The following PSEN1 variants were observed in gnomAD, a reference collection of about 807,000 sequenced individuals.
The protein encoded by PSEN1 is presenilin 1.
PSEN1 carries 15 observed loss-of-function variants against 53.5 expected under a neutral mutation model. The ratio of observed to expected loss-of-function variants is 0.28; its 90% CI spans 0.19 to 0.43. The LOEUF is 0.43. PSEN1 is among the 20% of genes least tolerant of loss of function. The pLI is 1.00. For missense variants in PSEN1, 387 were observed against 571.2 expected (o/e 0.68, Z 3.29); for synonymous variants, 208 against 209.8 (o/e 0.99, Z 0.08).
chr14:73,211,107 A>T lies in PSEN1; in HGVS notation c.956-662A>T, dbSNP rs1229418897. On this transcript the variant is annotated intron_variant, in intron 9 of 11. Coordinates refer to ENST00000324501, the MANE Select transcript of PSEN1 (RefSeq NM_000021.4). ...TCAGTTGCAAAAGATAAAAAGCCCA[A>T]CTCAGTTGCCTTAAACAAAGAAGAA... is the stretch of plus-strand genomic sequence containing the variant. Among the ~76,000 whole-genome samples, 5 of 152,176 alleles carry T rather than the reference A, an allele frequency of 3.3e-5. No individual in the cohort carries two copies. The South Asian group carries it at 6.2e-4, about 19-fold the overall frequency.
chr14:73,200,169 T>G (rs148546614), intron 8 of PSEN1, among the ~76,000 whole-genome samples: 367 of 152,334 alleles, frequency 2.4e-3, no homozygotes, highest in African/African-American at 8.3e-3. Context: ...TGTCTAATGC[T>G]TTGGGTGATT....
chr14:73,210,995 T>C (rs1458951974), intron 9 of PSEN1, among the ~76,000 whole-genome samples: 1 of 152,192 alleles, frequency 6.6e-6, no homozygotes, highest in Admixed American at 6.5e-5. Flanking sequence ...CACTCCCCGC[T>C]CCTTTCCCAA....
intron 3 of PSEN1, among the ~76,000 whole-genome samples, chr14:73,166,910 A>G (rs912253647): frequency 3.3e-5 from 5 of 152,176 alleles, no homozygotes; most frequent in African/African-American, 1.2e-4. Flanking sequence ...CCATGCCTTT[A>G]TAACGCCAGC....
intron 9 of PSEN1, among the ~76,000 whole-genome samples, chr14:73,210,689 C>G (rs1899641393): frequency 6.6e-6 from 1 of 152,036 alleles, no homozygotes; most frequent in Non-Finnish European, 1.5e-5. Flanking sequence ...TTTTGGAGAT[C>G]TGGATAATAA....
intron 9 of PSEN1, among the ~76,000 whole-genome samples, chr14:73,211,257 A>G (rs750348634): frequency 2.0e-5 from 3 of 152,206 alleles, no homozygotes; most frequent in Non-Finnish European, 4.4e-5. Flanking sequence ...TCACTAGTTT[A>G]TAGGCTTGGT....
chr14:73,147,797 C>G lies in PSEN1; in HGVS notation c.-133C>G. The G allele has an allele frequency of 1.8e-6, 1 of 554,092 alleles. No homozygotes were observed. The highest frequency in any genetic ancestry group is 2.1e-5 in the South Asian group (1 of 48,678). 34.3% of individuals were successfully genotyped at this position (554,092 alleles called of 1,614,324 possible). On this transcript the variant is annotated splice_region_variant and 5_prime_UTR_variant, in exon 2 of 12. Transcript: ENST00000324501. ...GACCTGGTGAAATCCTATTTCAGAC[C>G]TAATCTGGGAGCCTGCAAGTGACAA... is the stretch of plus-strand genomic sequence containing the variant.
intron 6 of PSEN1, among the ~76,000 whole-genome samples, chr14:73,188,453 A>T (rs1219386739): frequency 6.6e-6 from 1 of 152,156 alleles, no homozygotes; most frequent in Non-Finnish European, 1.5e-5. Flanking sequence ...TGAAAGTTGG[A>T]TACCAACCTG....
intron 5 of PSEN1, among the ~76,000 whole-genome samples, chr14:73,177,288 CTCT>C (rs200165137): frequency 0.024 from 3,678 of 152,324 alleles, 152 homozygotes; most frequent in African/African-American, 0.081. Flanking sequence ...CTTTGCATAT[CTCT>C]TCTACTCAGA....
chr14:73,196,665 G>A (rs1248861016), intron 7 of PSEN1, among the ~76,000 whole-genome samples: 1 of 150,796 alleles, frequency 6.6e-6, no homozygotes, highest in African/African-American at 2.4e-5. Flanking sequence ...GGTAGAGACG[G>A]GGTTTTGCCA....
intron 8 of PSEN1, among the ~76,000 whole-genome samples, chr14:73,204,251 G>A (rs12432960): frequency 0.077 from 11,550 of 149,840 alleles, 562 homozygotes; most frequent in South Asian, 0.19. Context: ...ACCCACCTCC[G>A]ACTCCCAAAG....
chr14:73,180,553 G>C (rs1201810992), intron 5 of PSEN1, among the ~76,000 whole-genome samples: 4 of 152,186 alleles, frequency 2.6e-5, no homozygotes, highest in African/African-American at 9.7e-5. Flanking sequence ...GCAAGCCCTA[G>C]AAACTAAAAG....
intron 5 of PSEN1, among the ~76,000 whole-genome samples, chr14:73,174,918 CCTA>C (rs1054146911): frequency 1.3e-5 from 2 of 152,152 alleles, no homozygotes; most frequent in East Asian, 1.9e-4. Context: ...TTCAAAGTGA[CCTA>C]CTGCTGAGTT....
chr14:73,158,290 A>G (rs578076171), intron 3 of PSEN1, among the ~76,000 whole-genome samples: 13 of 134,548 alleles, frequency 9.7e-5, no homozygotes, highest in African/African-American at 2.2e-4. Context: ...TTTTCTATCT[A>G]TCTATCTATC....
chr14:73,187,361 A>G (rs532141814), intron 6 of PSEN1, among the ~76,000 whole-genome samples: 5 of 152,242 alleles, frequency 3.3e-5, no homozygotes, highest in Non-Finnish European at 7.3e-5. Flanking sequence ...TAGTCTGTCA[A>G]AGAGAATAGT....
chr14:73,147,536 A>G (rs1566617194), intron 1 of PSEN1: 1 of 191,996 alleles, frequency 5.2e-6, no homozygotes, highest in Non-Finnish European at 1.1e-5. Flanking sequence ...AACATTCCTT[A>G]AGATTACTCA....
chr14:73,142,744 G>A (rs77162241), intron 1 of PSEN1, among the ~76,000 whole-genome samples: 126 of 152,280 alleles, frequency 8.3e-4, no homozygotes, highest in Middle Eastern at 3.4e-3. Flanking sequence ...TCTGAGCTTC[G>A]AGATTATTTG....
chr14:73,202,450 ATATATATATATATTTTTTTTTT>A (rs1899252625), intron 8 of PSEN1, among the ~76,000 whole-genome samples: 1 of 15,874 alleles, frequency 6.3e-5, no homozygotes, highest in African/African-American at 3.5e-4. Context: ...ATATATATAT[ATATATATATATATTTTTTTTTT>A]TTTTTTTTTT....
intron 5 of PSEN1, among the ~76,000 whole-genome samples, chr14:73,183,438 CCTGCGGCCTTCCG>C (rs1898289266): frequency 1.3e-5 from 2 of 151,868 alleles, no homozygotes; most frequent in Admixed American, 1.3e-4. Flanking sequence ...GGCAGAGGAC[CCTGCGGCCTTCCG>C]CAGTGTTTGT....
chr14:73,150,637 G>A (rs1306000787), intron 3 of PSEN1, among the ~76,000 whole-genome samples: 1 of 151,672 alleles, frequency 6.6e-6, no homozygotes, highest in African/African-American at 2.4e-5. Flanking sequence ...GTGATGGCAG[G>A]CACCTGTAAT....
Sources: allele counts gnomAD v4.1 joint callset (sites outside exome capture counted in the v4.1 genomes callset), GRCh38; gene constraint gnomAD v4.1.1; transcripts MANE v1.5; gene names NCBI Gene and HGNC (gene_info 2026-07-23, HGNC 2026-07-21).